Variants in GALNT17 observed in about 807,000 individuals in gnomAD.
The protein encoded by GALNT17 is polypeptide N-acetylgalactosaminyltransferase 17, also known as UDP-GalNAc:polypeptide N-acetylgalactosaminyltransferase-like 3.
In GALNT17, 29 loss-of-function variants were observed where a neutral mutation model predicts 63.7. The observed-to-expected ratio is 0.46, with a 90% CI of 0.34 to 0.62. The LOEUF (loss-of-function observed/expected upper bound fraction) is 0.62. Ranked by LOEUF, GALNT17 falls within the 20% of genes least tolerant of loss-of-function variation. The pLI is 0.01. For synonymous variants in GALNT17, 305 were observed against 318.3 expected, an observed-to-expected ratio of 0.96 and a Z score of 0.45; for missense variants, 603 against 799.6, an observed-to-expected ratio of 0.75 and a Z score of 2.97.
chr7:71,711,706 TTC>T (rs1394298120), intron 10 of GALNT17, among the ~76,000 whole-genome samples: 5 of 149,736 alleles, frequency 3.3e-5, no homozygotes, highest in Non-Finnish European at 5.9e-5. Flanking sequence ...CTCTTCTCTC[TTC>T]TCTCTCTTCC....
chr7:71,665,307 T>C, intron 6 of GALNT17, 104 bp from the exon 7 acceptor site: 1 of 1,200,570 alleles, frequency 8.3e-7, no homozygotes. Context: ...AAAATGTATT[T>C]TACGTTTATG....
intron 5 of GALNT17, among the ~76,000 whole-genome samples, chr7:71,473,168 T>G (rs1787663297): frequency 6.6e-6 from 1 of 152,198 alleles, no homozygotes; most frequent in African/African-American, 2.4e-5. Context: ...TCTAAAGACT[T>G]GAAGTCAGTA....
chr7:71,333,945 A>G (rs1160359386), intron 1 of GALNT17, among the ~76,000 whole-genome samples: 1 of 152,130 alleles, frequency 6.6e-6, no homozygotes, highest in Non-Finnish European at 1.5e-5. Flanking sequence ...TTTTGAGCAG[A>G]GTTCAGGGGT....
chr7:71,430,751 GCA>G (rs1786846860), intron 5 of GALNT17, among the ~76,000 whole-genome samples: 1 of 152,122 alleles, frequency 6.6e-6, no homozygotes, highest in Non-Finnish European at 1.5e-5. Context: ...CAAATTCTGT[GCA>G]CAGATATGTA....
chr7:71,539,142 C>G (rs6460665), intron 5 of GALNT17, among the ~76,000 whole-genome samples: 152,247 of 152,256 alleles, frequency 1, 76,119 homozygotes, highest in Non-Finnish European at 1. Flanking sequence ...ATGTTGGCCA[C>G]GCTAGTCTCA....
intron 5 of GALNT17, among the ~76,000 whole-genome samples, chr7:71,515,006 G>C (rs2116735249): frequency 6.6e-6 from 1 of 152,240 alleles, no homozygotes; most frequent in Admixed American, 6.5e-5. Flanking sequence ...CTTTTCGCTT[G>C]GCTTTCATTC....
chr7:71,282,265 C>T (rs894401120), intron 1 of GALNT17, among the ~76,000 whole-genome samples: 1 of 152,172 alleles, frequency 6.6e-6, no homozygotes, highest in African/African-American at 2.4e-5. Flanking sequence ...ACTCTGCAGC[C>T]CACCTTATTT....
intron 5 of GALNT17, among the ~76,000 whole-genome samples, chr7:71,491,802 G>A (rs1788013159): frequency 6.6e-6 from 1 of 152,164 alleles, no homozygotes; most frequent in Non-Finnish European, 1.5e-5. Context: ...CTGCTGGCCT[G>A]GGAGTCTCAC....
chr7:71,678,956 CAA>C lies in GALNT17; in HGVS notation c.1500+1667_1500+1668del, dbSNP rs35898355. ...TGGGCGACAGAGCGAGACTCCATCT[CAA>C]AAAAAAAAAAAAAAAAGTCAAATGC... On this transcript the variant is annotated intron_variant, in intron 9 of 10. Transcript: ENST00000333538. Among the ~76,000 whole-genome samples the C allele has an allele frequency of 9.0e-3, 1,028 of 114,032 alleles. 7 individuals are homozygous for C. The highest frequency in any genetic ancestry group is 0.033 in the African/African-American group (941 of 28,432). 74.8% of individuals were successfully genotyped at this position (114,032 alleles called of 152,430 possible). A position where few individuals can be genotyped will look rare whatever the true frequency, so the allele number is the denominator to read the frequency against.
In GALNT17 at chr7:71,469,024, G is replaced by A. The variant is rs150877340; in HGVS notation, c.962+47919G>A. Reference sequence around the variant, plus strand: ...TGAGCTCACAATGACAAAGTGACATGCGTGCTCTGATGGTAGAGAGCACGG... The same window carrying A: ...TGAGCTCACAATGACAAAGTGACATACGTGCTCTGATGGTAGAGAGCACGG... On this transcript the variant is annotated intron_variant, in intron 5 of 10. Transcript: ENST00000333538. 7.2e-5 allele frequency among the ~76,000 whole-genome samples: 11 copies of A among 152,232 alleles called. No homozygotes were observed. In the East Asian group the frequency reaches 1.7e-3, roughly 24 times the overall value.
intron 1 of GALNT17, among the ~76,000 whole-genome samples, chr7:71,249,504 A>C (rs1224906646): frequency 6.6e-6 from 1 of 152,222 alleles, no homozygotes; most frequent in African/African-American, 2.4e-5. Flanking sequence ...TGAGATGATG[A>C]AGATGAAATA....
chr7:71,275,841 G>C (rs1790672855), intron 1 of GALNT17, among the ~76,000 whole-genome samples: 1 of 152,104 alleles, frequency 6.6e-6, no homozygotes, highest in Non-Finnish European at 1.5e-5. Flanking sequence ...CACAAGTTGT[G>C]GCCCAGTTCT....
chr7:71,628,020 C>T (rs766418907), intron 6 of GALNT17, among the ~76,000 whole-genome samples: 6 of 151,428 alleles, frequency 4.0e-5, no homozygotes, highest in South Asian at 2.1e-4. Context: ...AGATATACAG[C>T]GCATCTGTGG....
intron 5 of GALNT17, among the ~76,000 whole-genome samples, chr7:71,529,518 A>G (rs1788679960): frequency 6.6e-6 from 1 of 152,242 alleles, no homozygotes; most frequent in Admixed American, 6.5e-5. Context: ...AGTTATTTAT[A>G]AAGTAGATAT....
intron 4 of GALNT17, among the ~76,000 whole-genome samples, 163 bp downstream of exon 4, chr7:71,416,226 C>G (rs1793524211): frequency 6.6e-6 from 1 of 152,126 alleles, no homozygotes; most frequent in Non-Finnish European, 1.5e-5. Flanking sequence ...TGGGATAAAG[C>G]TAGGGAGCAG....
intron 1 of GALNT17, among the ~76,000 whole-genome samples, chr7:71,206,840 T>C (rs1175684857): frequency 6.6e-6 from 1 of 152,008 alleles, no homozygotes; most frequent in Non-Finnish European, 1.5e-5. Flanking sequence ...GCGTGGTGGC[T>C]CAAGCCTGTA....
chr7:71,549,427 G>A (rs1789038284), intron 5 of GALNT17, among the ~76,000 whole-genome samples: 1 of 152,076 alleles, frequency 6.6e-6, no homozygotes, highest in South Asian at 2.1e-4. Flanking sequence ...AGTTAGCCTG[G>A]CATGGTGGTG....
intron 1 of GALNT17, among the ~76,000 whole-genome samples, chr7:71,233,231 T>C (rs922052061): frequency 1.3e-5 from 2 of 152,154 alleles, no homozygotes; most frequent in Non-Finnish European, 2.9e-5. Flanking sequence ...CTGACAAGCC[T>C]GGGGCAGTGT....
At chr7:71,149,824 G>A (rs1788098018) in intron 1 of GALNT17, among the ~76,000 whole-genome samples, 2 of 152,194 alleles carry the variant, frequency 1.3e-5, no homozygotes, top group African/African-American at 4.8e-5. Context: ...CTTCTGCCCC[G>A]TGTCCTTCCT....
Sources: gnomAD v4.1 joint callset for allele counts (sites outside exome capture counted in the v4.1 genomes callset) on GRCh38, gnomAD v4.1.1 for gene constraint, MANE v1.5 for transcripts, NCBI Gene and HGNC (gene_info 2026-07-23, HGNC 2026-07-21) for gene names.